The following NR3C2 variants were observed in gnomAD, a reference collection of about 807,000 sequenced individuals.
The protein encoded by NR3C2 is mineralocorticoid receptor.
In NR3C2, 15 loss-of-function variants were observed where a neutral mutation model predicts 86.4. The observed-to-expected ratio is 0.17, with a 90% CI of 0.12 to 0.27. The LOEUF is 0.27. Among genes scored for constraint, NR3C2 ranks in the 10% least tolerant of loss-of-function variants. The pLI is 1.00. For synonymous variants in NR3C2, 458 were observed against 450.5 expected (o/e 1.02, Z -0.21); for missense variants, 960 against 1,195.6 (o/e 0.80, Z 2.91).
chr4:148,123,090 A>C (rs1732585521), intron 6 of NR3C2, among the ~76,000 whole-genome samples: 1 of 152,166 alleles, frequency 6.6e-6, no homozygotes, highest in African/African-American at 2.4e-5. Context: ...ACCCTGGGGA[A>C]GGAATGCATT....
intron 2 of NR3C2, among the ~76,000 whole-genome samples, chr4:148,405,573 T>C (rs1408681460): frequency 6.6e-6 from 1 of 152,238 alleles, no homozygotes; most frequent in Non-Finnish European, 1.5e-5. Flanking sequence ...TACTTATACC[T>C]GAGTTTTACC....
At chr4:148,286,848 C>G (rs561517875) in intron 2 of NR3C2, among the ~76,000 whole-genome samples, 10 of 152,232 alleles carry the variant, frequency 6.6e-5, no homozygotes, top group African/African-American at 2.2e-4. Flanking sequence ...TAATTTGTGC[C>G]ATTACTTTAC....
intron 3 of NR3C2, among the ~76,000 whole-genome samples, chr4:148,202,794 T>C (rs981460929): frequency 1.8e-4 from 28 of 152,222 alleles, no homozygotes; most frequent in African/African-American, 6.5e-4. Flanking sequence ...CTCATCCCCC[T>C]TCCTCTGTAT....
chr4:148,234,101 C>A (rs894751899), intron 3 of NR3C2, among the ~76,000 whole-genome samples: 2 of 152,086 alleles, frequency 1.3e-5, no homozygotes, highest in African/African-American at 4.8e-5. Flanking sequence ...GATGGGGTGA[C>A]CATCATCCAC....
chr4:148,187,262 C>A (rs1253586414), intron 4 of NR3C2, among the ~76,000 whole-genome samples: 1 of 151,748 alleles, frequency 6.6e-6, no homozygotes, highest in Non-Finnish European at 1.5e-5. Flanking sequence ...AATGGTAGTT[C>A]TACTTTTAGT....
intron 3 of NR3C2, among the ~76,000 whole-genome samples, chr4:148,226,821 A>G (rs1288937657): frequency 1.3e-5 from 2 of 152,070 alleles, no homozygotes; most frequent in African/African-American, 2.4e-5. Flanking sequence ...TGCCATTTGT[A>G]TTTCTCTGAC....
rs1560909718 is a variant in NR3C2, at chr4:148,081,097, G to C, written c.*247C>G. 2 of 537,006 alleles carry C rather than the reference G, an allele frequency of 3.7e-6. No homozygotes were observed. The highest frequency in any genetic ancestry group is 3.3e-5 in the East Asian group (1 of 29,896). The allele number at this position is 537,006 out of a possible 1,614,324, so 33.3% of individuals were successfully genotyped here. A position where few individuals can be genotyped will look rare whatever the true frequency, so the allele number is the denominator to read the frequency against. ...ACTAGATATGGCTTTTCATCCCGAG[G>C]AACAGGAACATGTTTCTAAGCGCTG... On this transcript the variant is annotated 3_prime_UTR_variant, in exon 9 of 9. Transcript: ENST00000358102.
intron 3 of NR3C2, among the ~76,000 whole-genome samples, chr4:148,220,441 A>G (rs1183588191): frequency 1.3e-5 from 2 of 152,196 alleles, no homozygotes; most frequent in African/African-American, 4.8e-5. Flanking sequence ...AAAAGGCTTA[A>G]GAACAACAGA....
At chr4:148,349,814 T>G (rs1043551843) in intron 2 of NR3C2, among the ~76,000 whole-genome samples, 2 of 152,136 alleles carry the variant, frequency 1.3e-5, no homozygotes, top group African/African-American at 2.4e-5. Context: ...TCCAGAAAAG[T>G]GTAAAAGAAA....
chr4:148,164,599 G>A (rs144456650), intron 4 of NR3C2, among the ~76,000 whole-genome samples: 51 of 152,312 alleles, frequency 3.3e-4, no homozygotes, highest in African/African-American at 1.2e-3. Flanking sequence ...TATGATAGCT[G>A]TAGTCACACA....
intron 3 of NR3C2, among the ~76,000 whole-genome samples, chr4:148,210,169 A>C (rs1737212543): frequency 6.6e-6 from 1 of 151,842 alleles, no homozygotes; most frequent in African/African-American, 2.4e-5. Context: ...ATACTTCACT[A>C]ATTTTAGGTG....
chr4:148,406,878 T>C (rs988886344), intron 2 of NR3C2, among the ~76,000 whole-genome samples: 2 of 152,206 alleles, frequency 1.3e-5, no homozygotes, highest in Non-Finnish European at 2.9e-5. Flanking sequence ...TGTTAAAGTC[T>C]GACAGTCAAT....
chr4:148,368,539 A>C (rs1217694559), intron 2 of NR3C2: 1 of 152,168 alleles, frequency 6.6e-6, no homozygotes, highest in Non-Finnish European at 1.5e-5. Context: ...AATAAAATGA[A>C]CATGGTACTT....
chr4:148,225,186 C>T (rs939309030), intron 3 of NR3C2, among the ~76,000 whole-genome samples: 2 of 152,068 alleles, frequency 1.3e-5, no homozygotes, highest in African/African-American at 4.8e-5. Context: ...GACTCTCAAC[C>T]CTAGCTTACT....
chr4:148,319,713 T>C (rs1002704489), intron 2 of NR3C2, among the ~76,000 whole-genome samples: 27 of 151,144 alleles, frequency 1.8e-4, no homozygotes, highest in African/African-American at 4.9e-4. Flanking sequence ...CTTGTGATTT[T>C]TGTACATTGA....
chr4:148,442,515 C>A, upstream of NR3C2: 1 of 371,070 alleles, frequency 2.7e-6, no homozygotes, highest in Non-Finnish European at 3.7e-6. Context: ...GAGGGCTGGC[C>A]CTTTTAAAAG....
At chr4:148,296,689 G>T (rs1742071928) in intron 2 of NR3C2, among the ~76,000 whole-genome samples, 1 of 151,884 alleles carries the variant, frequency 6.6e-6, no homozygotes, top group Non-Finnish European at 1.5e-5. Context: ...TTCATTTTAT[G>T]CATAGCAACA....
rs1340952354 is a variant in NR3C2, at chr4:148,122,030, A to G, written c.2511-1742T>C. ...CTTTCATTCCAACCAGCAGAGCATG[A>G]GCGTGCCCTTACTTCACATCCCCAC... On this transcript the variant is annotated intron_variant, in intron 6 of 8. Coordinates refer to ENST00000358102, the MANE Select transcript of NR3C2 (RefSeq NM_000901.5). 2.0e-5 allele frequency among the ~76,000 whole-genome samples: 3 copies of G among 147,200 alleles called. No individual in the cohort carries two copies. The Admixed American group carries it at 2.0e-4, about 10-fold the overall frequency.
At chr4:148,426,061 T>C (rs914734107) in intron 2 of NR3C2, among the ~76,000 whole-genome samples, 1 of 152,180 alleles carries the variant, frequency 6.6e-6, no homozygotes, top group Non-Finnish European at 1.5e-5. Context: ...CCTCTTCATA[T>C]TTCACCTGCC....
Sources: gnomAD v4.1 joint callset for allele counts (sites outside exome capture counted in the v4.1 genomes callset) on GRCh38, gnomAD v4.1.1 for gene constraint, MANE v1.5 for transcripts, NCBI Gene and HGNC (gene_info 2026-07-23, HGNC 2026-07-21) for gene names.